BLVRA: variants seen among roughly 807,000 people sequenced by gnomAD.
BLVRA encodes the protein biliverdin reductase A.
BLVRA carries 22 observed loss-of-function variants against 32.8 expected under a neutral mutation model. The observed-to-expected ratio is 0.67, with a 90% CI of 0.48 to 0.96. BLVRA has a LOEUF of 0.96. Ranked by LOEUF, BLVRA falls within the 40% of genes least tolerant of loss-of-function variation. BLVRA has a pLI of 0.00. For synonymous variants in BLVRA, 119 were observed against 141.3 expected (o/e 0.84, Z 1.12); for missense variants, 323 against 358.1 (o/e 0.90, Z 0.79).
intron 1 of BLVRA, among the ~76,000 whole-genome samples, chr7:43,761,308 T>C (rs2095741989): frequency 6.6e-6 from 1 of 152,178 alleles, no homozygotes; most frequent in South Asian, 2.1e-4. Context: ...TGAGAGAAAG[T>C]ATAAGTACAA....
chr7:43,763,590 C>T lies in BLVRA; in HGVS notation c.-22+4856C>T, dbSNP rs144548848. 4.6e-4 allele frequency among the ~76,000 whole-genome samples: 70 copies of T among 152,342 alleles called. 3 individuals carry two copies. In the East Asian group the frequency reaches 9.6e-3, roughly 21 times the overall value. Reference sequence around the variant, plus strand: ...TTTGAAAAACAAAGCACATACTGCGCACCCGTGGGCCACTACTGCTTTTGA... The same window carrying T: ...TTTGAAAAACAAAGCACATACTGCGTACCCGTGGGCCACTACTGCTTTTGA... On this transcript the variant is annotated intron_variant, in intron 1 of 7. Transcript: ENST00000265523.
At chr7:43,767,505 T>C in intron 1 of BLVRA, 1 of 1,244,712 alleles carries the variant, frequency 8.0e-7, no homozygotes, top group South Asian at 1.2e-5. Context: ...GCTGCTATTG[T>C]TGCCGTGGTC....
chr7:43,760,591 A>G (rs1254377126), intron 1 of BLVRA, among the ~76,000 whole-genome samples: 2 of 152,050 alleles, frequency 1.3e-5, no homozygotes, highest in Admixed American at 6.6e-5. Flanking sequence ...GTTGATAGCC[A>G]TGTATTTTGG....
chr7:43,767,446 T>C (rs1431652814), intron 1 of BLVRA: 5 of 1,545,842 alleles, frequency 3.2e-6, no homozygotes, highest in Non-Finnish European at 4.5e-6. Flanking sequence ...CTAAATCTTA[T>C]ATATCTGGAG....
chr7:43,782,518 C>T (rs1284163202), intron 2 of BLVRA, among the ~76,000 whole-genome samples: 1 of 152,052 alleles, frequency 6.6e-6, no homozygotes, highest in Non-Finnish European at 1.5e-5. Context: ...AGATCCAGGG[C>T]GCGGTGGGAA....
chr7:43,761,377 C>G lies in BLVRA; in HGVS notation c.-22+2643C>G, dbSNP rs148365101. On this transcript the variant is annotated intron_variant, in intron 1 of 7. Transcript: ENST00000265523. Reference sequence around the variant, plus strand: ...TTTCAGTGTTATCCAATAGAATTTTCTGTGATTATGAAAATGTGCTATATT... The same window carrying G: ...TTTCAGTGTTATCCAATAGAATTTTGTGTGATTATGAAAATGTGCTATATT... Among the ~76,000 whole-genome samples, 236 of 152,268 alleles carry G rather than the reference C, an allele frequency of 1.5e-3. 1 individual carries two copies. Among genetic ancestry groups the G allele is most frequent in the African/African-American group, 5.6e-3 (231 of 41,548 alleles).
intron 2 of BLVRA, among the ~76,000 whole-genome samples, chr7:43,778,774 A>C (rs2095764842): frequency 6.6e-6 from 1 of 152,250 alleles, no homozygotes; most frequent in East Asian, 1.9e-4. Flanking sequence ...CTACAGAGGC[A>C]GGCAGGCCTC....
intron 1 of BLVRA, among the ~76,000 whole-genome samples, chr7:43,769,875 C>G (rs1230887201): frequency 1.3e-5 from 2 of 152,172 alleles, no homozygotes; most frequent in Non-Finnish European, 2.9e-5. Flanking sequence ...TCCCAAAGTA[C>G]TGGGATTACA....
At chr7:43,768,691 C>T (rs116230527) in intron 1 of BLVRA, among the ~76,000 whole-genome samples, 15 of 152,268 alleles carry the variant, frequency 9.9e-5, no homozygotes, top group Middle Eastern at 3.4e-3. Context: ...CTATCACTCA[C>T]GTGCAAGCTC....
rs1158335350 is a variant in BLVRA at position 43,787,883 on chromosome 7, C to G, written c.13-21C>G. The G allele has an allele frequency of 6.2e-7, 1 of 1,614,168 alleles. No individual in the cohort carries two copies. Among genetic ancestry groups the G allele is most frequent in the South Asian group, 1.1e-5 (1 of 91,084 alleles). The stretch of plus-strand genomic sequence containing the variant: ...ATGCCTACAGTGTTTTCAGACTCCA[C>G]CTTGGTCCCTTGTGTTTCAGCCCGA... On this transcript the variant is annotated intron_variant, in intron 2 of 7. Coordinates refer to ENST00000265523, the MANE Select transcript of BLVRA (RefSeq NM_000712.4). This position sits in a 1 kb window ranked among gnomAD's most constrained non-coding sequence, Gnocchi z 4.5.
intron 2 of BLVRA, among the ~76,000 whole-genome samples, chr7:43,785,665 A>G (rs1179228618): frequency 6.6e-6 from 1 of 152,242 alleles, no homozygotes; most frequent in Non-Finnish European, 1.5e-5. Flanking sequence ...GCAGGCTGAC[A>G]GAGGCTGAGA....
At chr7:43,771,201 A>G (rs1270735371) in intron 2 of BLVRA, 31 bp downstream of exon 2, 3 of 1,610,702 alleles carry the variant, frequency 1.9e-6, no homozygotes, top group Non-Finnish European at 2.5e-6. Context: ...AGTTTAAGGG[A>G]TGCTTTTCTT....
chr7:43,768,020 C>G (rs2095750120), intron 1 of BLVRA, among the ~76,000 whole-genome samples: 1 of 152,194 alleles, frequency 6.6e-6, no homozygotes, highest in African/African-American at 2.4e-5. Context: ...CACAGAGATG[C>G]TACCCACTTG....
chr7:43,766,263 G>A (rs962181915), intron 1 of BLVRA, among the ~76,000 whole-genome samples: 11 of 144,800 alleles, frequency 7.6e-5, no homozygotes, highest in African/African-American at 2.8e-4. Context: ...TCCAGCCTGA[G>A]TGACAAGAGT....
chr7:43,774,296 A>G (rs1439578472), intron 2 of BLVRA, among the ~76,000 whole-genome samples: 2 of 152,190 alleles, frequency 1.3e-5, no homozygotes, highest in South Asian at 2.1e-4. Flanking sequence ...TCTTTAATCC[A>G]TCTTGAATTA....
intron 1 of BLVRA, among the ~76,000 whole-genome samples, chr7:43,763,951 A>G (rs1346040010): frequency 6.6e-6 from 1 of 152,226 alleles, no homozygotes; most frequent in Non-Finnish European, 1.5e-5. Context: ...AACATGATAT[A>G]GTCAGTGTAG....
At position 43,797,410 on chromosome 7, in the gene BLVRA, G is replaced by A. The variant is rs1049476757; in HGVS notation, c.353-3055G>A. Among the ~76,000 whole-genome samples, 4 of 152,306 alleles carry A rather than the reference G, an allele frequency of 2.6e-5. No individual in the cohort carries two copies. The East Asian group carries it at 7.7e-4, about 29-fold the overall frequency. On this transcript the variant is annotated intron_variant, in intron 5 of 7. Transcript: ENST00000265523. ...GCTCAATAACGTATTTTTAAATTAA[G>A]GTACGTACGTTGTTTTCCTAAACAT...
At chr7:43,779,054 T>C (rs1014331380) in intron 2 of BLVRA, among the ~76,000 whole-genome samples, 1 of 152,246 alleles carries the variant, frequency 6.6e-6, no homozygotes, top group Non-Finnish European at 1.5e-5. Flanking sequence ...AGGTGCTGTC[T>C]GTCACCCCTT....
rs888620693 is a variant in BLVRA, at chr7:43,800,586, G to A, written c.460+14G>A. The A allele has an allele frequency of 3.1e-6, 5 of 1,608,514 alleles. No individual in the cohort carries two copies. The highest frequency in any genetic ancestry group is 4.3e-6 in the Non-Finnish European group (5 of 1,175,344). ...TCCTCTTCACAGGTCAGTGCTACGT[G>A]GGATCACAGGTCACATGTGAGGTCC... On this transcript the variant is annotated intron_variant, in intron 6 of 7. Coordinates refer to ENST00000265523, the MANE Select transcript of BLVRA (RefSeq NM_000712.4).
Sources: allele counts gnomAD v4.1 joint callset (sites outside exome capture counted in the v4.1 genomes callset), GRCh38; gene constraint gnomAD v4.1.1; non-coding constraint Gnocchi (gnomAD v3.1); transcripts MANE v1.5; gene names NCBI Gene and HGNC (gene_info 2026-07-23, HGNC 2026-07-21).